Variants in DOCK5 observed in about 807,000 individuals in gnomAD.
The protein encoded by DOCK5 is dedicator of cytokinesis 5, also known as dedicator of cytokinesis protein 5.
In DOCK5, 142 loss-of-function variants were observed where a neutral mutation model predicts 251.8. The ratio of observed to expected loss-of-function variants is 0.56; its 90% CI spans 0.49 to 0.65. The LOEUF is 0.65. DOCK5 is among the 30% of genes least tolerant of loss of function. DOCK5 has a pLI of 0.00. For synonymous variants in DOCK5, 842 were observed against 835.5 expected (o/e 1.01, Z -0.13); for missense variants, 2,111 against 2,312.3 (o/e 0.91, Z 1.79).
intron 13 of DOCK5, among the ~76,000 whole-genome samples, chr8:25,313,707 G>A (rs1204910848): frequency 6.6e-6 from 1 of 152,170 alleles, no homozygotes; most frequent in Non-Finnish European, 1.5e-5. Flanking sequence ...CTGTCTCCTT[G>A]GCTTGCAGAT....
intron 16 of DOCK5, among the ~76,000 whole-genome samples, chr8:25,321,674 G>C (rs1025209361): frequency 2.1e-4 from 32 of 152,184 alleles, no homozygotes; most frequent in African/African-American, 7.7e-4. Flanking sequence ...GAGCAGCTGT[G>C]AAGACAGATG....
At chr8:25,261,401 A>G (rs1479728984) in intron 2 of DOCK5, among the ~76,000 whole-genome samples, 1 of 152,216 alleles carries the variant, frequency 6.6e-6, no homozygotes, top group African/African-American at 2.4e-5. Context: ...AATTAAGATG[A>G]ATAATGTCTT....
chr8:25,372,763 G>A lies in DOCK5; in HGVS notation c.3684+45G>A, dbSNP rs778199598. 41 of 1,566,248 alleles carry A rather than the reference G, an allele frequency of 2.6e-5. No individual in the cohort carries two copies. The Middle Eastern group carries it at 5.1e-4, about 20-fold the overall frequency. On this transcript the variant is annotated intron_variant, in intron 35 of 51. Transcript: ENST00000276440. ...TGTGATGGGAGGGTACTGTCAGGCCGCCCCTGCACCCTACAGCTCAGCTCT... is the reference window on the plus strand; with the variant it reads ...TGTGATGGGAGGGTACTGTCAGGCCACCCCTGCACCCTACAGCTCAGCTCT...
chr8:25,368,108 A>G, intron 31 of DOCK5, 84 bp from the exon 32 acceptor site: 1 of 1,080,400 alleles, frequency 9.3e-7, no homozygotes, highest in Middle Eastern at 2.0e-4. Context: ...AGAGACACAG[A>G]CTGTTTTTAC....
At position 25,411,311 on chromosome 8, in the gene DOCK5, C is replaced by G. The variant is rs578195631; in HGVS notation, c.*13C>G. On this transcript the variant is annotated 3_prime_UTR_variant, in exon 52 of 52. Coordinates refer to ENST00000276440, the MANE Select transcript of DOCK5 (RefSeq NM_024940.8). ...TGGATCCCAGTAAGGATCTTGCCCTCCCTGCAACACCGAGTGCCTTAGACA... is the reference window on the plus strand; with the variant it reads ...TGGATCCCAGTAAGGATCTTGCCCTGCCTGCAACACCGAGTGCCTTAGACA... 1.9e-5 allele frequency: 28 copies of G among 1,462,672 alleles called. 1 individual carries two copies. In the Admixed American group the frequency reaches 5.4e-4, roughly 28 times the overall value. The allele number at this position is 1,462,672 out of a possible 1,614,324, so 90.6% of individuals were successfully genotyped here.
chr8:25,273,614 A>G (rs1563333678), intron 3 of DOCK5, among the ~76,000 whole-genome samples: 1 of 152,208 alleles, frequency 6.6e-6, no homozygotes. Context: ...AAGAATGAAT[A>G]AATGAATGAA....
At position 25,184,937 on chromosome 8, in the gene DOCK5, A is replaced by C; in HGVS notation, c.29A>C (p.Gln10Pro). 3.5e-6 allele frequency: 5 copies of C among 1,443,640 alleles called. No individual in the cohort carries two copies. Among genetic ancestry groups the C allele is most frequent in the Non-Finnish European group, 4.6e-6 (5 of 1,089,082 alleles). The allele number at this position is 1,443,640 out of a possible 1,614,324, so 89.4% of individuals were successfully genotyped here. Residue 10 changes from glutamine (Q) to proline (P), a missense_variant, in exon 1 of 52, where the codon CAG (glutamine) becomes CCG (proline). Physicochemically the swap from Gln to Pro is moderately conservative, Grantham distance 76. Coordinates refer to ENST00000276440, the MANE Select transcript of DOCK5 (RefSeq NM_024940.8). ...GCCCGCTGGATCCCGACCAAGAGGC[A>C]GAAGTACGGGGTTGGTGAGTGCGCG... MARWIPTKR[Q>P]KYGVAIYNYN...
chr8:25,291,978 C>A, intron 5 of DOCK5, 46 bp from the exon 6 acceptor site: 1 of 1,492,442 alleles, frequency 6.7e-7, no homozygotes, highest in Non-Finnish European at 9.0e-7. Context: ...TCCTCTGTCA[C>A]ACCTTTTTCT....
At chr8:25,367,524 G>A (rs1800798442) in intron 31 of DOCK5, among the ~76,000 whole-genome samples, 1 of 152,184 alleles carries the variant, frequency 6.6e-6, no homozygotes, top group Non-Finnish European at 1.5e-5. Flanking sequence ...ATAACTTGAG[G>A]AATGTATTAT....
At chr8:25,251,403 GA>G in intron 2 of DOCK5, among the ~76,000 whole-genome samples, 1 of 152,056 alleles carries the variant, frequency 6.6e-6, no homozygotes, top group African/African-American at 2.4e-5. Context: ...AAAGTTAAAA[GA>G]AACAAAAAGA....
chr8:25,200,352 A>C (rs754888221), intron 1 of DOCK5, among the ~76,000 whole-genome samples: 37 of 152,356 alleles, frequency 2.4e-4, no homozygotes, highest in Non-Finnish European at 4.3e-4. Flanking sequence ...AAAAACATGG[A>C]AACTCTCAAG....
At chr8:25,185,274 C>T (rs957226497) in intron 1 of DOCK5, among the ~76,000 whole-genome samples, 22 of 152,184 alleles carry the variant, frequency 1.4e-4, no homozygotes, top group African/African-American at 5.3e-4. Flanking sequence ...TTTGGGGCCG[C>T]AGCTCTGTGG....
chr8:25,220,091 A>ATAT (rs1425774791), intron 1 of DOCK5, among the ~76,000 whole-genome samples: 1 of 150,300 alleles, frequency 6.7e-6, no homozygotes, highest in African/African-American at 2.5e-5. Flanking sequence ...GATCGCTTTG[A>ATAT]TATTATTATT....
At chr8:25,297,345 C>T (rs531913515) in intron 7 of DOCK5, among the ~76,000 whole-genome samples, 7 of 152,164 alleles carry the variant, frequency 4.6e-5, no homozygotes, top group African/African-American at 1.7e-4. Context: ...GCAACCTCTG[C>T]CTCCTGGGTT....
chr8:25,278,341 C>T (rs556821482), intron 4 of DOCK5, among the ~76,000 whole-genome samples: 1 of 152,252 alleles, frequency 6.6e-6, no homozygotes, highest in African/African-American at 2.4e-5. Context: ...GAGGCTGGGC[C>T]GCAGGCTCAT....
intron 49 of DOCK5, among the ~76,000 whole-genome samples, 157 bp from the exon 50 acceptor site, chr8:25,408,645 C>T (rs1801565029): frequency 6.6e-6 from 1 of 152,160 alleles, no homozygotes; most frequent in African/African-American, 2.4e-5. Flanking sequence ...TAGTCAGTGC[C>T]TGTTCGGTGT....
In DOCK5 at chr8:25,368,116, T is replaced by C. The variant is rs1414679712; in HGVS notation, c.3225-76T>C. On this transcript the variant is annotated intron_variant, in intron 31 of 51. Coordinates refer to ENST00000276440, the MANE Select transcript of DOCK5 (RefSeq NM_024940.8). The stretch of plus-strand genomic sequence containing the variant: ...GACCAAGAGAGACACAGACTGTTTT[T>C]ACTTTCCTTCTTATTGTGTTTATGC... The C allele has an allele frequency of 4.2e-6, 5 of 1,192,952 alleles. No homozygotes were observed. The African/African-American group carries it at 6.0e-5, about 14-fold the overall frequency. 73.9% of individuals were successfully genotyped at this position (1,192,952 alleles called of 1,614,324 possible).
chr8:25,407,495 T>C (rs1801542469), intron 48 of DOCK5, among the ~76,000 whole-genome samples: 1 of 152,234 alleles, frequency 6.6e-6, no homozygotes. Context: ...GTCTTGTTTC[T>C]GTACATTAAC....
At chr8:25,189,283 C>G (rs1801516723) in intron 1 of DOCK5, among the ~76,000 whole-genome samples, 1 of 152,084 alleles carries the variant, frequency 6.6e-6, no homozygotes, top group African/African-American at 2.4e-5. Flanking sequence ...ATCTGGAACT[C>G]TTGGCCTCGT....
Sources: allele counts gnomAD v4.1 joint callset (sites outside exome capture counted in the v4.1 genomes callset), GRCh38; gene constraint gnomAD v4.1.1; transcripts MANE v1.5; gene names NCBI Gene and HGNC (gene_info 2026-07-23, HGNC 2026-07-21).